The following CAPRIN2 variants were observed in gnomAD, a reference collection of about 807,000 sequenced individuals.
CAPRIN2 encodes caprin family member 2.
CAPRIN2 carries 66 observed loss-of-function variants against 130.4 expected under a neutral mutation model. The ratio of observed to expected loss-of-function variants is 0.51; its 90% CI spans 0.42 to 0.62. The LOEUF is 0.62. Among genes scored for constraint, CAPRIN2 ranks in the 20% least tolerant of loss-of-function variants. The pLI is 0.00. For synonymous variants in CAPRIN2, 471 were observed against 444.1 expected, an observed-to-expected ratio of 1.06 and a Z score of -0.76; for missense variants, 1,185 against 1,246.6, an observed-to-expected ratio of 0.95 and a Z score of 0.74.
At chr12:30,718,350 G>C (rs575567776) in intron 12 of CAPRIN2, among the ~76,000 whole-genome samples, 3 of 152,214 alleles carry the variant, frequency 2.0e-5, no homozygotes, top group Admixed American at 6.5e-5. Flanking sequence ...CTCACCAGCC[G>C]ATCTCCCGGG....
At chr12:30,709,873 T>C in exon 17 of CAPRIN2, 1 of 1,567,762 alleles carries the variant, frequency 6.4e-7, no homozygotes, top group Non-Finnish European at 8.7e-7. Flanking sequence ...TAGAACACCA[T>C]CCTTTTATTG....
chr12:30,709,776 A>G (rs2053703501), exon 17 of CAPRIN2: 3 of 1,078,242 alleles, frequency 2.8e-6, no homozygotes, highest in African/African-American at 1.6e-5. Context: ...CAAAAAAGTA[A>G]GGACCTCCTC....
chr12:30,729,793 T>C (rs543537526), intron 7 of CAPRIN2, among the ~76,000 whole-genome samples: 3 of 152,354 alleles, frequency 2.0e-5, no homozygotes, highest in African/African-American at 7.2e-5. Flanking sequence ...ACACTGTTTT[T>C]GAATCTCCCA....
At chr12:30,729,581 T>C (rs2061960650) in intron 7 of CAPRIN2, among the ~76,000 whole-genome samples, 1 of 152,222 alleles carries the variant, frequency 6.6e-6, no homozygotes, top group African/African-American at 2.4e-5. Context: ...TGGACTTGCC[T>C]AAGACTGGCA....
At chr12:30,751,305 G>A in intron 1 of CAPRIN2, 172 bp from the exon 3 acceptor site, 11 of 586,658 alleles carry the variant, frequency 1.9e-5, no homozygotes, top group South Asian at 4.1e-5. Context: ...TCCAGTCAGG[G>A]GAGAAAAAAT....
At chr12:30,711,846 A>G (rs2054852970) in intron 15 of CAPRIN2, 2 of 673,426 alleles carry the variant, frequency 3.0e-6, no homozygotes, top group Admixed American at 2.0e-5. Context: ...TAACCTGACC[A>G]ATCAGATCTG....
At chr12:30,730,125 G>A in intron 7 of CAPRIN2, 114 bp downstream of exon 8, 2 of 796,526 alleles carry the variant, frequency 2.5e-6, no homozygotes, top group Non-Finnish European at 4.2e-6. Context: ...CTAGTAAACT[G>A]CAGAACCAGG....
chr12:30,753,775 AG>A, exon 1 of CAPRIN2: 1 of 1,592,464 alleles, frequency 6.3e-7, no homozygotes, highest in Non-Finnish European at 8.6e-7. Context: ...CTACTTTTAA[AG>A]TAATTAGTGC....
chr12:30,727,143 T>G (rs980221576), intron 8 of CAPRIN2, among the ~76,000 whole-genome samples: 1 of 152,142 alleles, frequency 6.6e-6, no homozygotes, highest in African/African-American at 2.4e-5. Context: ...CTACTGGAAT[T>G]TTAAGTCAGG....
chr12:30,709,905 A>G (rs2053735229), exon 17 of CAPRIN2: 7 of 1,604,112 alleles, frequency 4.4e-6, no homozygotes, highest in African/African-American at 4.0e-5. Context: ...CTGACTTTCA[A>G]TCTTGATAAA....
exon 10 of CAPRIN2, chr12:30,724,391 C>G: frequency 1.2e-6 from 2 of 1,612,732 alleles, no homozygotes; most frequent in Non-Finnish European, 1.7e-6. Flanking sequence ...CCTGGAGTAG[C>G]TGAAGGCGGT....
chr12:30,729,281 T>C (rs2061846207), exon 8 of CAPRIN2: 4 of 1,595,902 alleles, frequency 2.5e-6, no homozygotes, highest in Middle Eastern at 1.7e-4. Flanking sequence ...CTTCGCCTTG[T>C]TTGTTTGAAT....
Position 30,728,633 on chromosome 12 carries a change from T to C in CAPRIN2, c.1782+15A>G. The C allele has an allele frequency of 6.3e-7, 1 of 1,586,228 alleles. No individual in the cohort carries two copies. The highest frequency in any genetic ancestry group is 1.3e-5 in the African/African-American group (1 of 74,080). On this transcript the variant is annotated intron_variant, in intron 8 of 16. Transcript: ENST00000298892. Reference sequence around the variant, plus strand: ...GCCTACACTTACAGAAGCAGAATGATACAGATCAACTCACATCTTTGGGTT... The same window carrying C: ...GCCTACACTTACAGAAGCAGAATGACACAGATCAACTCACATCTTTGGGTT...
At position 30,710,894 on chromosome 12, in the gene CAPRIN2, C is replaced by CA. The variant is rs1293683444; in HGVS notation, c.2666-425dup. 3.3e-5 allele frequency among the ~76,000 whole-genome samples: 5 copies of CA among 152,170 alleles called. No homozygotes were observed. Among genetic ancestry groups the CA allele is most frequent in the Non-Finnish European group, 5.9e-5 (4 of 68,030 alleles). On this transcript the variant is annotated intron_variant, in intron 16 of 16. Coordinates refer to ENST00000298892, the Ensembl canonical transcript of CAPRIN2. This position sits in a 1 kb window ranked among gnomAD's most constrained non-coding sequence, Gnocchi z 4.8. Reference sequence around the variant, plus strand: ...AGAACCAATTTTTAGAACTACTAGCCACTAGCCATTCAGAGATATATTGAT... The same window carrying CA: ...AGAACCAATTTTTAGAACTACTAGCCAACTAGCCATTCAGAGATATATTGAT...
At chr12:30,753,280 G>C (rs1340202670) in intron 1 of CAPRIN2, 64 bp downstream of exon 2, 10 of 1,400,848 alleles carry the variant, frequency 7.1e-6, no homozygotes, top group Non-Finnish European at 9.7e-6. Context: ...AGCTCTGAAA[G>C]AAAAATGTCA....
At position 30,731,637 on chromosome 12, in the gene CAPRIN2, T is replaced by G. The variant is rs75566712; in HGVS notation, c.893-127A>C. The G allele has an allele frequency of 1.0e-3, 748 of 735,232 alleles. 12 individuals carry two copies. The East Asian group carries it at 0.017, about 17-fold the overall frequency. The allele number at this position is 735,232 out of a possible 1,614,324, so 45.5% of individuals were successfully genotyped here. A position where few individuals can be genotyped will look rare whatever the true frequency, so the allele number is the denominator to read the frequency against. The stretch of plus-strand genomic sequence containing the variant: ...AGTTTACATTGATGTACATAGTACA[T>G]CCTTACAATAGTTTACAACAGTTTA... On this transcript the variant is annotated intron_variant, in intron 5 of 16. Transcript: ENST00000298892.
chr12:30,736,346 T>G (rs990685311), intron 3 of CAPRIN2, among the ~76,000 whole-genome samples: 4 of 151,902 alleles, frequency 2.6e-5, no homozygotes, highest in African/African-American at 4.8e-5. Context: ...AGTTTTTGAT[T>G]GTAACGTTTC....
chr12:30,739,101 T>C (rs1398569648), intron 3 of CAPRIN2, among the ~76,000 whole-genome samples: 1 of 152,164 alleles, frequency 6.6e-6, no homozygotes, highest in Non-Finnish European at 1.5e-5. Context: ...GACACAGGCA[T>C]GCATATGTTC....
intron 11 of CAPRIN2, among the ~76,000 whole-genome samples, chr12:30,721,650 T>C (rs1476163043): frequency 2.6e-5 from 4 of 152,176 alleles, no homozygotes; most frequent in South Asian, 4.1e-4. Context: ...AGATCTAAAG[T>C]GTCAGTGAAT....
Sources: allele counts gnomAD v4.1 joint callset (sites outside exome capture counted in the v4.1 genomes callset), GRCh38; gene constraint gnomAD v4.1.1; non-coding constraint Gnocchi (gnomAD v3.1); transcripts MANE v1.5; gene names NCBI Gene and HGNC (gene_info 2026-07-23, HGNC 2026-07-21).